DMRT1: variants seen among roughly 807,000 people sequenced by gnomAD.
The protein encoded by DMRT1 is doublesex and mab-3 related transcription factor 1.
Under a neutral mutation model 32.3 loss-of-function variants are expected in DMRT1, and 7 were observed. The observed-to-expected ratio is 0.22, with a 90% CI of 0.12 to 0.41. The LOEUF (loss-of-function observed/expected upper bound fraction) is 0.41, where lower values mean the gene tolerates loss of function less well. Ranked by LOEUF, DMRT1 falls within the 10% of genes least tolerant of loss-of-function variation. The pLI, the probability that DMRT1 is intolerant of heterozygous loss-of-function variation, is 1.00. For missense variants in DMRT1, 625 were observed against 500.5 expected (o/e 1.25, Z -2.37); for synonymous variants, 278 against 206.1 (o/e 1.35, Z -2.99).
Position 864,695 on chromosome 9 carries a change from T to C in DMRT1, c.538+17552T>C, listed in dbSNP as rs545474427. Among the ~76,000 whole-genome samples the C allele has an allele frequency of 7.3e-5, 11 of 151,656 alleles. No individual in the cohort carries two copies. In the East Asian group the frequency reaches 1.9e-3, roughly 27 times the overall value. On this transcript the variant is annotated intron_variant, in intron 2 of 4. Transcript: ENST00000382276. ...TTTTGTATTTTTAGTAGAGACAGGGTTTCACCATGTTAGCCAGGATGGTCT... is the reference window on the plus strand; with the variant it reads ...TTTTGTATTTTTAGTAGAGACAGGGCTTCACCATGTTAGCCAGGATGGTCT...
intron 4 of DMRT1, among the ~76,000 whole-genome samples, chr9:963,360 CACT>C (rs763415471): frequency 2.0e-5 from 3 of 152,184 alleles, no homozygotes; most frequent in Non-Finnish European, 4.4e-5. Context: ...ACTCTCTCAT[CACT>C]ACTCTTTAAT....
At position 846,956 on chromosome 9, in the gene DMRT1, C is replaced by T. The variant is rs200261277; in HGVS notation, c.355-4C>T. The T allele has an allele frequency of 4.3e-4, 689 of 1,613,996 alleles. 2 individuals are homozygous for T. The highest frequency in any genetic ancestry group is 4.3e-4 in the Non-Finnish European group (509 of 1,180,056). On this transcript the variant is annotated splice_polypyrimidine_tract_variant and splice_region_variant and intron_variant, in intron 1 of 4. Coordinates refer to ENST00000382276, the MANE Select transcript of DMRT1 (RefSeq NM_021951.3). ...GAGGATGACTCATTGTCGTGTGCTT[C>T]CAGGTGGCCCTGAGAAGGCAGCAGG...
At chr9:901,663 CAT>C (rs1381245990) in intron 3 of DMRT1, among the ~76,000 whole-genome samples, 1 of 151,518 alleles carries the variant, frequency 6.6e-6, no homozygotes, top group African/African-American at 2.4e-5. Context: ...GGAGACTTCA[CAT>C]GAGTTTTTTT....
chr9:869,321 A>G (rs1816130193), intron 2 of DMRT1, among the ~76,000 whole-genome samples: 1 of 152,042 alleles, frequency 6.6e-6, no homozygotes, highest in Admixed American at 6.6e-5. Flanking sequence ...GGCTCAAGGC[A>G]TTGGCATGTT....
intron 2 of DMRT1, among the ~76,000 whole-genome samples, chr9:873,120 G>A (rs1377713067): frequency 2.0e-5 from 3 of 152,184 alleles, no homozygotes; most frequent in Admixed American, 6.5e-5. Flanking sequence ...TAGTGAGCAC[G>A]AAGTGGTATT....
At chr9:942,314 C>G (rs1350903266) in intron 4 of DMRT1, among the ~76,000 whole-genome samples, 2 of 152,178 alleles carry the variant, frequency 1.3e-5, no homozygotes, top group Non-Finnish European at 2.9e-5. Context: ...CAATGTGTCA[C>G]CCAGGCTGGA....
intron 2 of DMRT1, among the ~76,000 whole-genome samples, chr9:888,220 G>A (rs1472801011): frequency 4.6e-5 from 7 of 152,104 alleles, no homozygotes; most frequent in Non-Finnish European, 8.8e-5. Flanking sequence ...ATTTGGCAGC[G>A]ATACACACAC....
intron 4 of DMRT1, among the ~76,000 whole-genome samples, chr9:967,372 G>A (rs1244696781): frequency 6.6e-6 from 1 of 152,130 alleles, no homozygotes; most frequent in Non-Finnish European, 1.5e-5. Context: ...CTATTTTAGT[G>A]TGATGTAATT....
rs747552866 is a variant in DMRT1 at position 894,208 on chromosome 9, T to C, written c.822+13T>C. 1 of 1,612,464 alleles carries C rather than the reference T, an allele frequency of 6.2e-7. No individual in the cohort carries two copies. The highest frequency in any genetic ancestry group is 1.1e-5 in the South Asian group (1 of 90,996). ...AAACCAGTGGCAGGTATGATATTAA[T>C]TACCCAGAGAGTGAACTGGTTGTGT... On this transcript the variant is annotated intron_variant, in intron 3 of 4. Coordinates refer to ENST00000382276, the MANE Select transcript of DMRT1 (RefSeq NM_021951.3).
intron 2 of DMRT1, among the ~76,000 whole-genome samples, chr9:878,202 C>T (rs1038922055): frequency 1.1e-5 from 1 of 94,830 alleles, no homozygotes; most frequent in Non-Finnish European, 2.1e-5. Flanking sequence ...CAGCTGCTGC[C>T]CCCCCCCCAC....
At chr9:908,378 A>AGC (rs1167295547) in intron 3 of DMRT1, among the ~76,000 whole-genome samples, 4 of 152,172 alleles carry the variant, frequency 2.6e-5, no homozygotes, top group Non-Finnish European at 5.9e-5. Context: ...GGATCACTTG[A>AGC]GCCCACGAGA....
intron 2 of DMRT1, among the ~76,000 whole-genome samples, chr9:890,879 T>A (rs1192093850): frequency 1.3e-5 from 2 of 151,864 alleles, no homozygotes; most frequent in Non-Finnish European, 2.9e-5. Context: ...CATGCCGATG[T>A]CCGGCTAATT....
At chr9:952,985 A>C (rs1819479045) in intron 4 of DMRT1, among the ~76,000 whole-genome samples, 1 of 152,182 alleles carries the variant, frequency 6.6e-6, no homozygotes, top group Non-Finnish European at 1.5e-5. Flanking sequence ...CTATAGACTT[A>C]AATCTTTAAG....
intron 2 of DMRT1, among the ~76,000 whole-genome samples, chr9:847,486 A>C (rs1407257341): frequency 6.6e-6 from 1 of 152,186 alleles, no homozygotes; most frequent in Non-Finnish European, 1.5e-5. Flanking sequence ...GTTTCCTAGA[A>C]CTAGAAGTCC....
At chr9:855,433 A>G (rs1000860321) in intron 2 of DMRT1, among the ~76,000 whole-genome samples, 5 of 152,208 alleles carry the variant, frequency 3.3e-5, no homozygotes, top group African/African-American at 1.2e-4. Flanking sequence ...CCATTTCTGT[A>G]TAGTACAGTA....
chr9:847,074 T>C lies in DMRT1; in HGVS notation c.469T>C (p.Cys157Arg). 1 of 1,614,002 alleles carries C rather than the reference T, an allele frequency of 6.2e-7. No homozygotes were observed. Among genetic ancestry groups the C allele is most frequent in the Non-Finnish European group, 8.5e-7 (1 of 1,180,044 alleles). ...AAGAGAGAACAATGGCAGTAACCCGTGCCTCATGACTGAGTGCAGTGGCAC... is the reference window on the plus strand; with the variant it reads ...AAGAGAGAACAATGGCAGTAACCCGCGCCTCATGACTGAGTGCAGTGGCAC... ...VKRENNGSNP[C>R]LMTECSGTSQ... Residue 157 changes from cysteine to arginine, a missense_variant, in exon 2 of 5, where the codon TGC becomes CGC. Coordinates refer to ENST00000382276, the MANE Select transcript of DMRT1 (RefSeq NM_021951.3).
chr9:887,416 C>T (rs1250158484), intron 2 of DMRT1, among the ~76,000 whole-genome samples: 1 of 152,176 alleles, frequency 6.6e-6, no homozygotes, highest in Non-Finnish European at 1.5e-5. Flanking sequence ...AAATATATTT[C>T]TGCTACTCCC....
chr9:960,064 G>A (rs1301901940), intron 4 of DMRT1, among the ~76,000 whole-genome samples: 2 of 152,184 alleles, frequency 1.3e-5, no homozygotes, highest in African/African-American at 2.4e-5. Flanking sequence ...TGGACTTTGT[G>A]TCTTTGCCTC....
At chr9:935,320 C>T (rs1403197147) in intron 4 of DMRT1, among the ~76,000 whole-genome samples, 2 of 152,164 alleles carry the variant, frequency 1.3e-5, no homozygotes, top group African/African-American at 4.8e-5. Context: ...ACGAGGGGGG[C>T]AGATGGATAA....
Sources: allele counts gnomAD v4.1 joint callset (sites outside exome capture counted in the v4.1 genomes callset), GRCh38; gene constraint gnomAD v4.1.1; transcripts MANE v1.5; gene names NCBI Gene and HGNC (gene_info 2026-07-23, HGNC 2026-07-21).